FRMD4B: variants seen among roughly 807,000 people sequenced by gnomAD.
FRMD4B encodes FERM domain containing 4B.
In FRMD4B, 74 loss-of-function variants were observed where a neutral mutation model predicts 141.5. The observed-to-expected ratio is 0.52, with a 90% confidence interval of 0.43 to 0.63. The LOEUF is 0.63. Among genes scored for constraint, FRMD4B ranks in the 30% least tolerant of loss-of-function variants. The probability of loss-of-function intolerance (pLI) is 0.00; values close to 1 mark genes in which losing one functional copy is unlikely to be tolerated. For synonymous variants in FRMD4B, 506 were observed against 467.9 expected (o/e 1.08, Z -1.05); for missense variants, 1,366 against 1,253.4 (o/e 1.09, Z -1.36).
intron 1 of FRMD4B, among the ~76,000 whole-genome samples, chr3:69,521,084 T>C (rs1215625117): frequency 6.6e-6 from 1 of 152,158 alleles, no homozygotes; most frequent in Admixed American, 6.5e-5. Flanking sequence ...ATGGAGTCAC[T>C]ACTGGCTTTC....
chr3:69,353,943 C>A (rs907998496), intron 1 of FRMD4B, among the ~76,000 whole-genome samples: 1 of 152,178 alleles, frequency 6.6e-6, no homozygotes, highest in Admixed American at 6.5e-5. Context: ...CTTGATAATG[C>A]AAGCTTTAGG....
chr3:69,486,468 T>C (rs1316434103), intron 1 of FRMD4B, among the ~76,000 whole-genome samples: 1 of 152,214 alleles, frequency 6.6e-6, no homozygotes, highest in East Asian at 1.9e-4. Flanking sequence ...TATAAAACAC[T>C]ATATGGACAA....
At chr3:69,449,403 C>T (rs1011610877) in intron 1 of FRMD4B, among the ~76,000 whole-genome samples, 1 of 152,218 alleles carries the variant, frequency 6.6e-6, no homozygotes, top group Non-Finnish European at 1.5e-5. Context: ...TTCCAGAGCA[C>T]TAAGCTACAA....
At chr3:69,368,746 C>T (rs1487110553) in intron 1 of FRMD4B, among the ~76,000 whole-genome samples, 1 of 152,198 alleles carries the variant, frequency 6.6e-6, no homozygotes, top group Non-Finnish European at 1.5e-5. Flanking sequence ...CAACCTCAAC[C>T]TCCTGGGCTC....
chr3:69,187,827 C>T lies in FRMD4B; in HGVS notation c.1862G>A (p.Arg621Gln), dbSNP rs1288741948. 25 of 1,610,954 alleles carry T rather than the reference C, an allele frequency of 1.6e-5. No homozygotes were observed. The highest frequency in any genetic ancestry group is 1.7e-4 in the Middle Eastern group (1 of 6,058). The change falls in exon 19 of 23, where the codon CGA becomes CAA. Residue 621 changes from arginine (R) to glutamine (Q), a missense_variant. Transcript: ENST00000398540. ...ILPPKSLGIERIHFRKSSINE... is the reference protein window; with the variant it reads ...ILPPKSLGIEQIHFRKSSINE... The stretch of plus-strand genomic sequence containing the variant: ...GATGGACGACTTTCTGAAATGGATT[C>T]GCTCAATACCAAGAGACTTGGGGGG...
intron 11 of FRMD4B, among the ~76,000 whole-genome samples, chr3:69,212,377 A>G (rs1391521537): frequency 1.2e-4 from 11 of 89,940 alleles, no homozygotes; most frequent in African/African-American, 2.1e-4. Flanking sequence ...AAAAAAAAAA[A>G]AAAGAAAAAA....
intron 2 of FRMD4B, among the ~76,000 whole-genome samples, chr3:69,421,763 A>C (rs2106810158): frequency 6.6e-6 from 1 of 152,370 alleles, no homozygotes; most frequent in East Asian, 1.9e-4. Context: ...GATAACACAG[A>C]TCTGAAACAT....
At chr3:69,180,655 CTCAA>C (rs928900311) in intron 21 of FRMD4B, among the ~76,000 whole-genome samples, 2 of 152,056 alleles carry the variant, frequency 1.3e-5, no homozygotes, top group Admixed American at 6.5e-5. Context: ...AGAGTAAATG[CTCAA>C]TCAATGTTTG....
At chr3:69,340,153 CT>C (rs1702689316) in intron 1 of FRMD4B, among the ~76,000 whole-genome samples, 1 of 118,970 alleles carries the variant, frequency 8.4e-6, no homozygotes, top group African/African-American at 3.5e-5. Flanking sequence ...GCCATTATTT[CT>C]TTTCTTTTCT....
At position 69,196,905 on chromosome 3, in the gene FRMD4B, T is replaced by G. The variant is rs759612584; in HGVS notation, c.1087A>C (p.Ser363Arg). ...AAATGATGCCAGTTACTTACTTTGC[T>G]TTGCTTCCGGTCCAAGTAAAACTGA... Reference protein sequence around the residue: ...QHQFYLDRKQSKAKIPSARSL... With the variant: ...QHQFYLDRKQRKAKIPSARSL... The change falls in exon 13 of 23, where the codon AGC becomes CGC. Residue 363 changes from serine (S) to arginine (R), a missense_variant. Physicochemically the swap from Ser to Arg is moderately radical, Grantham distance 110 (BLOSUM62 -1). Coordinates refer to ENST00000398540, the MANE Select transcript of FRMD4B (RefSeq NM_015123.3). The G allele has an allele frequency of 1.9e-6, 3 of 1,610,656 alleles. No homozygotes were observed. The highest frequency in any genetic ancestry group is 2.5e-6 in the Non-Finnish European group (3 of 1,177,280).
intron 4 of FRMD4B, among the ~76,000 whole-genome samples, chr3:69,288,807 C>T (rs1700783070): frequency 6.6e-6 from 1 of 152,178 alleles, no homozygotes; most frequent in Non-Finnish European, 1.5e-5. Flanking sequence ...TAAACCAGGG[C>T]TAGGAAGTGG....
intron 11 of FRMD4B, among the ~76,000 whole-genome samples, chr3:69,209,695 T>G (rs1352570629): frequency 6.6e-6 from 1 of 152,234 alleles, no homozygotes. Flanking sequence ...ATTACTGGTG[T>G]GGTTAAAGCT....
In FRMD4B at chr3:69,321,231, G is replaced by A. The variant is rs144027038; in HGVS notation, c.163-7714C>T. On this transcript the variant is annotated intron_variant, in intron 1 of 22. Coordinates refer to ENST00000398540, the MANE Select transcript of FRMD4B (RefSeq NM_015123.3). ...TGGAACCACTCATAACAACGGGGTCGTCTTACAAGGCAACAGGAAATAGCT... is the reference window on the plus strand; with the variant it reads ...TGGAACCACTCATAACAACGGGGTCATCTTACAAGGCAACAGGAAATAGCT... Among the ~76,000 whole-genome samples, 1,085 of 152,240 alleles carry A rather than the reference G, an allele frequency of 7.1e-3. 16 individuals are homozygous for A. The highest frequency in any genetic ancestry group is 6.8e-3 in the Middle Eastern group (2 of 294).
chr3:69,270,786 G>A (rs1037555258), intron 5 of FRMD4B, among the ~76,000 whole-genome samples: 3 of 151,888 alleles, frequency 2.0e-5, no homozygotes, highest in South Asian at 2.1e-4. Flanking sequence ...GGATGGTCTC[G>A]ATCTCTTGAC....
intron 1 of FRMD4B, among the ~76,000 whole-genome samples, chr3:69,450,786 C>A (rs1345426406): frequency 5.9e-5 from 4 of 67,674 alleles, no homozygotes; most frequent in Non-Finnish European, 9.4e-5. Context: ...AAAACCCCAA[C>A]AACAAAACAA....
chr3:69,367,807 G>A (rs549698669), intron 1 of FRMD4B, among the ~76,000 whole-genome samples: 2 of 152,278 alleles, frequency 1.3e-5, no homozygotes, highest in African/African-American at 2.4e-5. Flanking sequence ...ATGTCCTTAG[G>A]AGGATTTCCT....
intron 1 of FRMD4B, among the ~76,000 whole-genome samples, chr3:69,321,134 T>C (rs1342185295): frequency 6.6e-6 from 1 of 152,084 alleles, no homozygotes; most frequent in Non-Finnish European, 1.5e-5. Flanking sequence ...CCAATCCCAC[T>C]GCCTGGTTTA....
chr3:69,431,766 G>T (rs1395511479), intron 2 of FRMD4B, among the ~76,000 whole-genome samples: 1 of 152,158 alleles, frequency 6.6e-6, no homozygotes, highest in Non-Finnish European at 1.5e-5. Context: ...TCCAGCAGGC[G>T]CCAGCATGTG....
At chr3:69,502,902 G>A (rs1706524668) in intron 1 of FRMD4B, among the ~76,000 whole-genome samples, 1 of 152,166 alleles carries the variant, frequency 6.6e-6, no homozygotes, top group Non-Finnish European at 1.5e-5. Flanking sequence ...CTCAAGAGAA[G>A]ACATTTATGC....
Sources: allele counts gnomAD v4.1 joint callset (sites outside exome capture counted in the v4.1 genomes callset), GRCh38; gene constraint gnomAD v4.1.1; transcripts MANE v1.5; gene names NCBI Gene and HGNC (gene_info 2026-07-23, HGNC 2026-07-21).